Variants in GRHL2 observed in about 807,000 individuals in gnomAD.
GRHL2 encodes the protein grainyhead like transcription factor 2.
A neutral mutation model predicts 83.8 loss-of-function variants in GRHL2; 21 were observed. The ratio of observed to expected loss-of-function variants is 0.25; its 90% CI spans 0.18 to 0.36. The LOEUF (loss-of-function observed/expected upper bound fraction) is 0.36, where lower values mean the gene tolerates loss of function less well. GRHL2 is among the 10% of genes least tolerant of loss of function. The probability of loss-of-function intolerance (pLI) is 1.00; values close to 1 mark genes in which losing one functional copy is unlikely to be tolerated. For missense variants in GRHL2, 623 were observed against 781.8 expected (o/e 0.80, Z 2.42); for synonymous variants, 280 against 278.9 (o/e 1.00, Z -0.04).
At chr8:101,555,225 G>A (rs559909322) in intron 3 of GRHL2, among the ~76,000 whole-genome samples, 56 of 152,310 alleles carry the variant, frequency 3.7e-4, no homozygotes, top group African/African-American at 1.3e-3. Flanking sequence ...GTGGAAACTG[G>A]GTAACAACTT....
chr8:101,634,187 G>T (rs989781617), intron 11 of GRHL2, among the ~76,000 whole-genome samples: 1 of 152,138 alleles, frequency 6.6e-6, no homozygotes, highest in Admixed American at 6.5e-5. Flanking sequence ...CTTCCTCAGA[G>T]CTCTCAGGCT....
chr8:101,564,113 C>T (rs899123419), intron 4 of GRHL2, among the ~76,000 whole-genome samples: 8 of 152,120 alleles, frequency 5.3e-5, no homozygotes, highest in South Asian at 2.1e-4. Context: ...TTACCAGAAA[C>T]GAAATATAAA....
chr8:101,600,533 T>C (rs550557534), intron 8 of GRHL2, among the ~76,000 whole-genome samples: 16 of 152,326 alleles, frequency 1.1e-4, no homozygotes, highest in Admixed American at 1.0e-3. Flanking sequence ...TCCTTTCTCA[T>C]CGTTCCCTGT....
chr8:101,665,476 C>A (rs1318091936), intron 15 of GRHL2, among the ~76,000 whole-genome samples: 1 of 152,206 alleles, frequency 6.6e-6, no homozygotes, highest in Non-Finnish European at 1.5e-5. Flanking sequence ...ACAGGAAACC[C>A]TTTCCACCTG....
At chr8:101,604,156 C>T (rs1184715643) in intron 8 of GRHL2, among the ~76,000 whole-genome samples, 1 of 152,076 alleles carries the variant, frequency 6.6e-6, no homozygotes, top group Non-Finnish European at 1.5e-5. Context: ...TATTCTTTCA[C>T]ATGACTCCCA....
intron 8 of GRHL2, among the ~76,000 whole-genome samples, chr8:101,600,514 C>G (rs1186727931): frequency 6.6e-6 from 1 of 152,218 alleles, no homozygotes; most frequent in Non-Finnish European, 1.5e-5. Context: ...CCTCCTTATT[C>G]CAGCCAATTC....
At chr8:101,571,506 AG>A (rs1811821909) in intron 5 of GRHL2, among the ~76,000 whole-genome samples, 5 of 150,826 alleles carry the variant, frequency 3.3e-5, no homozygotes, top group Non-Finnish European at 4.4e-5. Flanking sequence ...AAAAAAAAAA[AG>A]AGTGAGAGAG....
In GRHL2 at chr8:101,667,530, A is replaced by AGAT. The variant is rs1257369467; in HGVS notation, c.*829_*831dup. On this transcript the variant is annotated 3_prime_UTR_variant, in exon 16 of 16. Coordinates refer to ENST00000646743, the MANE Select transcript of GRHL2 (RefSeq NM_024915.4). Reference sequence around the variant, plus strand: ...GTTAAGGTGACTGCAGCTGATGCCAAGATGGACTCTGCAATGGGCATACCT... The same window carrying AGAT: ...GTTAAGGTGACTGCAGCTGATGCCAAGATGATGGACTCTGCAATGGGCATACCT... 2.0e-5 allele frequency: 3 copies of AGAT among 152,606 alleles called. No homozygotes were observed. The highest frequency in any genetic ancestry group is 4.4e-5 in the Non-Finnish European group (3 of 68,122). 9.5% of individuals were successfully genotyped at this position (152,606 alleles called of 1,614,324 possible).
intron 1 of GRHL2, among the ~76,000 whole-genome samples, chr8:101,526,648 A>G (rs2130066443): frequency 6.6e-6 from 1 of 151,918 alleles, no homozygotes; most frequent in Non-Finnish European, 1.5e-5. Flanking sequence ...ACATCAGCCA[A>G]ACACTCAAGT....
At chr8:101,673,540 T>C (rs62517400), downstream of GRHL2, among the ~76,000 whole-genome samples, 47,437 of 133,680 alleles carry the variant, frequency 0.35, 9,378 homozygotes, top group South Asian at 0.46. Flanking sequence ...ATATATTTGC[T>C]CCAATACAGG....
chr8:101,500,790 C>T (rs1655996711), intron 1 of GRHL2, among the ~76,000 whole-genome samples: 2 of 152,074 alleles, frequency 1.3e-5, no homozygotes. Context: ...GGATTACAGG[C>T]ATGAACCACC....
chr8:101,656,595 A>T (rs546785307), intron 14 of GRHL2, among the ~76,000 whole-genome samples: 1 of 152,344 alleles, frequency 6.6e-6, no homozygotes, highest in South Asian at 2.1e-4. Context: ...ATCAGGCAAG[A>T]AGTAGTCTGT....
intron 2 of GRHL2, among the ~76,000 whole-genome samples, chr8:101,550,047 A>G (rs1368549171): frequency 6.6e-6 from 1 of 151,620 alleles, no homozygotes; most frequent in African/African-American, 2.4e-5. Context: ...CTATATATGT[A>G]TAGTTTTCCA....
intron 13 of GRHL2, among the ~76,000 whole-genome samples, chr8:101,645,385 C>T (rs1813492622): frequency 6.6e-6 from 1 of 152,102 alleles, no homozygotes; most frequent in Admixed American, 6.6e-5. Context: ...GCCGCCTTGG[C>T]CTCCCGAAGT....
chr8:101,626,951 T>C (rs894127433), intron 9 of GRHL2, among the ~76,000 whole-genome samples: 3 of 152,058 alleles, frequency 2.0e-5, no homozygotes, highest in Non-Finnish European at 2.9e-5. Context: ...AGAATTGTGG[T>C]TCTCTTGAGT....
chr8:101,513,500 C>CTTTTTTTTTTTTTTTTTTTT lies in GRHL2; in HGVS notation c.20+20721_20+20722insTTTTTTTTTTTTTTTTTTTT, dbSNP rs112134650. ...TATGTGGGTGCAGGCTATCGTTGTG[C>CTTTTTTTTTTTTTTTTTTTT]TTTTTTTTTTGGAGATGGAGTTTTG... On this transcript the variant is annotated intron_variant, in intron 1 of 15. Coordinates refer to ENST00000646743, the MANE Select transcript of GRHL2 (RefSeq NM_024915.4). Among the ~76,000 whole-genome samples the CTTTTTTTTTTTTTTTTTTTT allele has an allele frequency of 3.0e-5, 3 of 100,186 alleles. 1 individual carries two copies. The highest frequency in any genetic ancestry group is 3.8e-5 in the Non-Finnish European group (2 of 52,792). 65.7% of individuals were successfully genotyped at this position (100,186 alleles called of 152,430 possible).
chr8:101,562,803 T>G (rs2130191550), intron 4 of GRHL2, among the ~76,000 whole-genome samples: 1 of 152,294 alleles, frequency 6.6e-6, no homozygotes, highest in East Asian at 1.9e-4. Context: ...GCATTCAAGA[T>G]GGGGGTCATT....
intron 1 of GRHL2, among the ~76,000 whole-genome samples, chr8:101,519,346 T>C (rs907254760): frequency 6.6e-6 from 1 of 152,164 alleles, no homozygotes; most frequent in Non-Finnish European, 1.5e-5. Context: ...TTCTACTGTT[T>C]TTATGTTTAC....
In GRHL2 at chr8:101,608,777, A is replaced by ACC. The variant is rs1190695059; in HGVS notation, c.1098+9627_1098+9628dup. ...CACACACACACACACACACACACAC[A>ACC]CCTACACCTCATTTCTAAGTACTTC... On this transcript the variant is annotated intron_variant, in intron 8 of 15. Transcript: ENST00000646743. Among the ~76,000 whole-genome samples the ACC allele has an allele frequency of 7.7e-5, 10 of 130,032 alleles. 1 individual carries two copies. Among genetic ancestry groups the ACC allele is most frequent in the African/African-American group, 2.3e-4 (7 of 30,178 alleles). 85.3% of individuals were successfully genotyped at this position (130,032 alleles called of 152,430 possible).
Sources: gnomAD v4.1 joint callset for allele counts (sites outside exome capture counted in the v4.1 genomes callset) on GRCh38, gnomAD v4.1.1 for gene constraint, MANE v1.5 for transcripts, NCBI Gene and HGNC (gene_info 2026-07-23, HGNC 2026-07-21) for gene names.